The following CSMD1 variants were observed in gnomAD, a reference collection of about 807,000 sequenced individuals.
The protein encoded by CSMD1 is CUB and sushi domain-containing protein 1.
In CSMD1, 213 loss-of-function variants were observed where a neutral mutation model predicts 417.5. The ratio of observed to expected loss-of-function variants is 0.51; its 90% CI spans 0.46 to 0.57. The LOEUF (loss-of-function observed/expected upper bound fraction) is 0.57, where lower values mean the gene tolerates loss of function less well. CSMD1 is among the 20% of genes least tolerant of loss of function. The pLI is 0.00. For missense variants in CSMD1, 6,923 were observed against 4,529.7 expected (o/e 1.53, Z -15.17); for synonymous variants, 2,862 against 1,736.8 (o/e 1.65, Z -16.11).
intron 5 of CSMD1, among the ~76,000 whole-genome samples, chr8:3,793,944 G>A (rs894751217): frequency 1.3e-5 from 2 of 152,092 alleles, no homozygotes; most frequent in Admixed American, 6.5e-5. Context: ...CCCCAGAGCT[G>A]GGTAAATGCT....
intron 2 of CSMD1, among the ~76,000 whole-genome samples, chr8:4,470,158 G>C (rs1381353351): frequency 3.9e-5 from 6 of 151,976 alleles, no homozygotes; most frequent in Non-Finnish European, 8.8e-5. Flanking sequence ...GTGGCCTTTG[G>C]TTTTCATAAC....
chr8:3,516,458 T>C (rs530168220), intron 10 of CSMD1, among the ~76,000 whole-genome samples: 1 of 152,238 alleles, frequency 6.6e-6, no homozygotes, highest in East Asian at 1.9e-4. Context: ...AGTGAGTCAT[T>C]GGAGTTGCCA....
At chr8:3,497,951 G>C (rs1000893455) in intron 10 of CSMD1, among the ~76,000 whole-genome samples, 1 of 152,108 alleles carries the variant, frequency 6.6e-6, no homozygotes, top group Non-Finnish European at 1.5e-5. Flanking sequence ...TTCAGATGAA[G>C]GGCTCCCATA....
intron 3 of CSMD1, among the ~76,000 whole-genome samples, chr8:4,284,530 G>C (rs542652569): frequency 1.1e-4 from 17 of 152,080 alleles, no homozygotes; most frequent in Non-Finnish European, 2.1e-4. Flanking sequence ...ATAGGTTCTT[G>C]CGCGACACAC....
intron 2 of CSMD1, among the ~76,000 whole-genome samples, chr8:4,446,063 T>G (rs560975167): frequency 5.6e-4 from 86 of 152,340 alleles, no homozygotes; most frequent in Non-Finnish European, 9.4e-4. Context: ...GAGACGAGGC[T>G]GTTTCATAGG....
At chr8:4,391,535 T>A (rs772400530) in intron 3 of CSMD1, among the ~76,000 whole-genome samples, 45 of 152,162 alleles carry the variant, frequency 3.0e-4, no homozygotes, top group Middle Eastern at 6.8e-3. Context: ...AACCACTGCA[T>A]CAACCAGCTC....
At chr8:4,661,120 T>C (rs1413949602) in intron 1 of CSMD1, among the ~76,000 whole-genome samples, 2 of 152,156 alleles carry the variant, frequency 1.3e-5, no homozygotes, top group African/African-American at 2.4e-5. Flanking sequence ...CTACTAGGCA[T>C]TTATCCTAGA....
intron 3 of CSMD1, among the ~76,000 whole-genome samples, chr8:4,133,297 T>G (rs897289502): frequency 1.3e-5 from 2 of 152,224 alleles, no homozygotes; most frequent in Admixed American, 6.5e-5. Flanking sequence ...CTTAAAAGTC[T>G]AAGTTTATAC....
chr8:4,083,077 A>G (rs1024814481), intron 3 of CSMD1, among the ~76,000 whole-genome samples: 3 of 151,972 alleles, frequency 2.0e-5, no homozygotes, highest in Admixed American at 6.6e-5. Context: ...ATAAACATAC[A>G]TGTGCATGTT....
At chr8:3,662,364 T>C (rs1175694055) in intron 7 of CSMD1, among the ~76,000 whole-genome samples, 1 of 152,184 alleles carries the variant, frequency 6.6e-6, no homozygotes, top group East Asian at 1.9e-4. Context: ...ACTCCTCCTC[T>C]CCTTTCCATC....
At chr8:4,385,680 G>C (rs1022549515) in intron 3 of CSMD1, among the ~76,000 whole-genome samples, 5 of 152,106 alleles carry the variant, frequency 3.3e-5, no homozygotes, top group Admixed American at 1.3e-4. Flanking sequence ...CAAAGCACAT[G>C]CTAAAAATAG....
At chr8:4,110,067 G>A (rs865866303) in intron 3 of CSMD1, among the ~76,000 whole-genome samples, 1 of 152,246 alleles carries the variant, frequency 6.6e-6, no homozygotes, top group East Asian at 1.9e-4. Context: ...GTCACCCAAT[G>A]ATCACGTGGA....
chr8:3,174,007 A>G (rs967649226), intron 37 of CSMD1, among the ~76,000 whole-genome samples: 1 of 152,178 alleles, frequency 6.6e-6, no homozygotes, highest in African/African-American at 2.4e-5. Flanking sequence ...CCTTCTAAGT[A>G]CCTGTTTTGA....
At chr8:4,817,064 A>G (rs920547089) in intron 1 of CSMD1, among the ~76,000 whole-genome samples, 3 of 152,174 alleles carry the variant, frequency 2.0e-5, no homozygotes, top group African/African-American at 7.2e-5. Flanking sequence ...TATATGAAGA[A>G]CTAGACCATG....
chr8:4,120,907 G>C (rs922712608), intron 3 of CSMD1, among the ~76,000 whole-genome samples: 1 of 152,056 alleles, frequency 6.6e-6, no homozygotes, highest in Non-Finnish European at 1.5e-5. Flanking sequence ...AATTTATTTA[G>C]GAATTCTGTT....
At chr8:3,242,115 T>G (rs1185877518) in intron 26 of CSMD1, among the ~76,000 whole-genome samples, 1 of 151,110 alleles carries the variant, frequency 6.6e-6, no homozygotes, top group Non-Finnish European at 1.5e-5. Context: ...GCATTAACCT[T>G]GACTATGCCT....
In CSMD1 at chr8:4,084,998, G is replaced by A. The variant is rs563577848; in HGVS notation, c.416-52899C>T. Among the ~76,000 whole-genome samples, 6 of 150,494 alleles carry A rather than the reference G, an allele frequency of 4.0e-5. No homozygotes were observed. In the East Asian group the frequency reaches 1.2e-3, roughly 29 times the overall value. Reference sequence around the variant, plus strand: ...ATATTACCACAGCAGGCGCGTGACAGGGAATTTAGATTTTTCCTTATGCAA... The same window carrying A: ...ATATTACCACAGCAGGCGCGTGACAAGGAATTTAGATTTTTCCTTATGCAA... On this transcript the variant is annotated intron_variant, in intron 3 of 69. Coordinates refer to ENST00000635120, the MANE Select transcript of CSMD1 (RefSeq NM_033225.6).
Position 3,712,442 on chromosome 8 carries a change from CAGAGAGAG to C in CSMD1, c.932-3959_932-3952del, listed in dbSNP as rs59274858. ...ACAGACAGACAGACAGACAGACAGA[CAGAGAGAG>C]AGAGAAACTAGAGCTGCAGGAATGC... is the stretch of plus-strand genomic sequence containing the variant. On this transcript the variant is annotated intron_variant, in intron 6 of 69. Transcript: ENST00000635120. 1.3e-3 allele frequency among the ~76,000 whole-genome samples: 101 copies of C among 79,992 alleles called. 2 individuals carry two copies. The highest frequency in any genetic ancestry group is 3.5e-3 in the African/African-American group (99 of 28,196). The allele number at this position is 79,992 out of a possible 152,430, so 52.5% of individuals were successfully genotyped here. A position where few individuals can be genotyped will look rare whatever the true frequency, so the allele number is the denominator to read the frequency against.
intron 2 of CSMD1, among the ~76,000 whole-genome samples, chr8:4,468,351 A>C (rs1800317787): frequency 6.6e-6 from 1 of 152,186 alleles, no homozygotes; most frequent in Non-Finnish European, 1.5e-5. Context: ...GTTATCACAA[A>C]ACCTTTTAAA....
Sources: gnomAD v4.1 joint callset for allele counts (sites outside exome capture counted in the v4.1 genomes callset) on GRCh38, gnomAD v4.1.1 for gene constraint, MANE v1.5 for transcripts, NCBI Gene and HGNC (gene_info 2026-07-23, HGNC 2026-07-21) for gene names.